Variants in PTPRD observed in about 807,000 individuals in gnomAD.
The protein encoded by PTPRD is protein tyrosine phosphatase receptor type D.
A neutral mutation model predicts 214.5 loss-of-function variants in PTPRD; 34 were observed. That is an observed-to-expected ratio of 0.16 (90% CI 0.12 to 0.21). PTPRD has a LOEUF of 0.21. PTPRD is among the 10% of genes least tolerant of loss of function. The pLI is 1.00. For synonymous variants in PTPRD, 1,128 were observed against 845.7 expected (o/e 1.33, Z -5.79); for missense variants, 2,545 against 2,398.7 (o/e 1.06, Z -1.27).
chr9:8,557,348 T>C (rs916946795), intron 14 of PTPRD, among the ~76,000 whole-genome samples: 5 of 151,632 alleles, frequency 3.3e-5, no homozygotes, highest in Admixed American at 1.3e-4. Flanking sequence ...TGCTCTGTTA[T>C]TGGAAGCAAA....
At chr9:8,796,950 T>G (rs2096445244) in intron 11 of PTPRD, among the ~76,000 whole-genome samples, 1 of 152,182 alleles carries the variant, frequency 6.6e-6, no homozygotes, top group Admixed American at 6.6e-5. Context: ...TTTTTCTAGT[T>G]TATGGAATTG....
chr9:10,350,795 C>T (rs181979638), intron 2 of PTPRD, among the ~76,000 whole-genome samples: 156 of 152,264 alleles, frequency 1.0e-3, no homozygotes, highest in African/African-American at 3.5e-3. Flanking sequence ...TAATGGTCAT[C>T]GTGCACTTAG....
chr9:9,422,710 A>G (rs973844455), intron 8 of PTPRD, among the ~76,000 whole-genome samples: 12 of 152,156 alleles, frequency 7.9e-5, no homozygotes, highest in African/African-American at 2.9e-4. Flanking sequence ...GTTAGGGTGT[A>G]TATCTATTAA....
At chr9:9,194,652 G>A (rs2131990436) in intron 9 of PTPRD, among the ~76,000 whole-genome samples, 1 of 152,246 alleles carries the variant, frequency 6.6e-6, no homozygotes, top group East Asian at 1.9e-4. Flanking sequence ...ATGTGCAAAG[G>A]CAAATAAGAA....
chr9:9,938,796 T>C (rs1191533161), intron 4 of PTPRD, among the ~76,000 whole-genome samples, 186 bp from the exon 5 acceptor site: 1 of 152,126 alleles, frequency 6.6e-6, no homozygotes, highest in Non-Finnish European at 1.5e-5. Flanking sequence ...CCTGTATAAG[T>C]CAAAGGGACC....
chr9:8,373,612 G>GGTGT lies in PTPRD; in HGVS notation c.4661+2320_4661+2323dup, dbSNP rs36212158. ...GGTGGCTTAACATAACATGGATGCG[G>GGTGT]GTGTGTGTGTGTGTGTGTGTGTGTG... On this transcript the variant is annotated intron_variant, in intron 39 of 45. Transcript: ENST00000381196. Among the ~76,000 whole-genome samples the GGTGT allele has an allele frequency of 6.2e-3, 878 of 141,518 alleles. 5 individuals are homozygous for GGTGT. The highest frequency in any genetic ancestry group is 0.018 in the African/African-American group (674 of 37,948). The allele number at this position is 141,518 out of a possible 152,430, so 92.8% of individuals were successfully genotyped here.
intron 11 of PTPRD, among the ~76,000 whole-genome samples, chr9:8,997,693 G>C (rs1261025105): frequency 2.6e-5 from 4 of 152,048 alleles, no homozygotes; most frequent in Non-Finnish European, 4.4e-5. Flanking sequence ...TTCACTTTAA[G>C]TCAAAAGCTA....
At position 10,408,084 on chromosome 9, in the gene PTPRD, A is replaced by T. The variant is rs1172841382; in HGVS notation, c.-599-67067T>A. On this transcript the variant is annotated intron_variant, in intron 2 of 45. Transcript: ENST00000381196. The stretch of plus-strand genomic sequence containing the variant: ...ACATTATAGTTTACTATGGTGATGA[A>T]CCCCATGGCATTTCCCTGCCTTGTT... Among the ~76,000 whole-genome samples the T allele has an allele frequency of 2.6e-5, 4 of 151,442 alleles. No individual in the cohort carries two copies. In the East Asian group the frequency reaches 7.9e-4, roughly 30 times the overall value.
intron 7 of PTPRD, among the ~76,000 whole-genome samples, chr9:9,678,090 C>T (rs1457685915): frequency 6.6e-6 from 1 of 152,096 alleles, no homozygotes; most frequent in African/African-American, 2.4e-5. Flanking sequence ...AATGGAAGAA[C>T]ATTCCATGCT....
chr9:9,500,457 G>A (rs1378137732), intron 8 of PTPRD, among the ~76,000 whole-genome samples: 1 of 152,094 alleles, frequency 6.6e-6, no homozygotes, highest in Non-Finnish European at 1.5e-5. Context: ...ACACAGCAGT[G>A]CCACTGAGTT....
intron 8 of PTPRD, among the ~76,000 whole-genome samples, chr9:9,426,196 G>C (rs1019894457): frequency 6.6e-6 from 1 of 152,142 alleles, no homozygotes; most frequent in Admixed American, 6.6e-5. Context: ...GGAATATTGG[G>C]TCACTCCCAC....
At chr9:8,507,149 G>GA (rs763696136) in intron 22 of PTPRD, 152 bp downstream of exon 22, 1 of 788,834 alleles carries the variant, frequency 1.3e-6, no homozygotes, top group Non-Finnish European at 1.8e-6. Flanking sequence ...TCTTGGGGGG[G>GA]AGGGGGAGTC....
chr9:10,420,887 A>G (rs1199715179), intron 2 of PTPRD, among the ~76,000 whole-genome samples: 1 of 151,562 alleles, frequency 6.6e-6, no homozygotes, highest in East Asian at 2.0e-4. Flanking sequence ...TATTATTTCT[A>G]AGACTCCCAC....
rs1461159372 is a variant in PTPRD, at chr9:9,258,025, T to C, written c.-202-74662A>G. On this transcript the variant is annotated intron_variant, in intron 9 of 45. Transcript: ENST00000381196. Reference sequence around the variant, plus strand: ...TTTAATATAATTTGGCTTTTGGCTTTAGTGGTAATGAAAGAATTTAAAGAG... The same window carrying C: ...TTTAATATAATTTGGCTTTTGGCTTCAGTGGTAATGAAAGAATTTAAAGAG... Among the ~76,000 whole-genome samples, 4 of 151,948 alleles carry C rather than the reference T, an allele frequency of 2.6e-5. No homozygotes were observed. In the East Asian group the frequency reaches 5.8e-4, roughly 22 times the overall value.
intron 4 of PTPRD, among the ~76,000 whole-genome samples, chr9:9,969,912 C>G (rs905231031): frequency 3.3e-5 from 5 of 152,124 alleles, no homozygotes; most frequent in African/African-American, 9.7e-5. Context: ...TCTGGCATTT[C>G]TAAGCCTCCC....
At chr9:9,067,312 C>T (rs324507) in intron 10 of PTPRD, among the ~76,000 whole-genome samples, 44,813 of 152,130 alleles carry the variant, frequency 0.29, 6,967 homozygotes, top group Middle Eastern at 0.32. Context: ...GTGTTTATTA[C>T]AGAAGTTAAT....
intron 9 of PTPRD, among the ~76,000 whole-genome samples, chr9:9,380,698 T>C (rs1014461675): frequency 1.3e-5 from 2 of 152,174 alleles, no homozygotes; most frequent in Non-Finnish European, 2.9e-5. Flanking sequence ...TTATATCCAA[T>C]TGATGGATAG....
chr9:8,806,513 C>T lies in PTPRD; in HGVS notation c.-103-72567G>A, dbSNP rs533864746. ...TACACTCAAACAAAACCATCTTACC[C>T]CCTTTTACATTGACTTCTATGAGTC... On this transcript the variant is annotated intron_variant, in intron 11 of 45. Coordinates refer to ENST00000381196, the MANE Select transcript of PTPRD (RefSeq NM_002839.4). Among the ~76,000 whole-genome samples the T allele has an allele frequency of 9.2e-5, 14 of 152,210 alleles. No homozygotes were observed. The East Asian group carries it at 1.5e-3, about 17-fold the overall frequency.
chr9:9,323,721 T>C (rs553373610), intron 9 of PTPRD, among the ~76,000 whole-genome samples: 1 of 152,298 alleles, frequency 6.6e-6, no homozygotes, highest in Admixed American at 6.5e-5. Context: ...CTTTAAGTTC[T>C]AGGGTACATG....
Sources: gnomAD v4.1 joint callset for allele counts (sites outside exome capture counted in the v4.1 genomes callset) on GRCh38, gnomAD v4.1.1 for gene constraint, MANE v1.5 for transcripts, NCBI Gene and HGNC (gene_info 2026-07-23, HGNC 2026-07-21) for gene names.